RBM33: variants seen among roughly 807,000 people sequenced by gnomAD.
RBM33 encodes RNA-binding protein 33.
Under a neutral mutation model 132.6 loss-of-function variants are expected in RBM33, and 28 were observed. That is an observed-to-expected ratio of 0.21 (90% confidence interval 0.16 to 0.29). The LOEUF is 0.29. RBM33 is among the 10% of genes least tolerant of loss of function. RBM33 has a pLI of 1.00. For missense variants in RBM33, 1,291 were observed against 1,518.5 expected (o/e 0.85, Z 2.49); for synonymous variants, 634 against 593.0 (o/e 1.07, Z -1.01).
chr7:155,706,718 C>T (rs578250569), intron 6 of RBM33, 142 bp from the exon 7 acceptor site: 10 of 635,300 alleles, frequency 1.6e-5, no homozygotes, highest in Non-Finnish European at 2.5e-5. Flanking sequence ...TCGTACTTGC[C>T]GCTGCTAGTT....
chr7:155,708,295 A>C (rs185967762), intron 7 of RBM33, among the ~76,000 whole-genome samples: 94 of 152,286 alleles, frequency 6.2e-4, no homozygotes, highest in Non-Finnish European at 1.2e-3. Flanking sequence ...GTTTTTGAGC[A>C]TCTCTAACAG....
At chr7:155,673,796 A>ACACACACACC (rs1799074511) in intron 3 of RBM33, among the ~76,000 whole-genome samples, 1 of 142,800 alleles carries the variant, frequency 7.0e-6, no homozygotes, top group African/African-American at 3.0e-5. Context: ...ACACACACAC[A>ACACACACACC]CACACCCCTA....
At chr7:155,703,308 C>T (rs974483174) in intron 6 of RBM33, among the ~76,000 whole-genome samples, 1 of 152,086 alleles carries the variant, frequency 6.6e-6, no homozygotes, top group Non-Finnish European at 1.5e-5. Flanking sequence ...AATTCTGGGA[C>T]AAGAAGCTGG....
chr7:155,712,834 G>T (rs1800346096), intron 8 of RBM33, among the ~76,000 whole-genome samples: 1 of 152,252 alleles, frequency 6.6e-6, no homozygotes, highest in African/African-American at 2.4e-5. Context: ...CAGGACTTTG[G>T]CAGGGAGTGA....
chr7:155,711,391 A>G lies in RBM33; in HGVS notation c.1137A>G (p.Pro379=), dbSNP rs375503330. The G allele has an allele frequency of 5.5e-5, 86 of 1,571,922 alleles. 2 individuals carry two copies. In the African/African-American group the frequency reaches 5.5e-4, roughly 10 times the overall value. ...TGATGACCCCGCCACCCGTGACTCCACAGCAGCCCAAGAACATACACATCA... is the reference window on the plus strand; with the variant it reads ...TGATGACCCCGCCACCCGTGACTCCGCAGCAGCCCAAGAACATACACATCA... The part of the protein sequence containing the change: ...RMMMTPPPVT[P]QQPKNIHINP... The change falls in exon 8 of 18, where the codon CCA becomes CCG. Residue 379 remains proline, a synonymous_variant. Coordinates refer to ENST00000401878, the MANE Select transcript of RBM33 (RefSeq NM_053043.3).
At chr7:155,681,615 A>C (rs542818516) in intron 5 of RBM33, among the ~76,000 whole-genome samples, 1 of 152,114 alleles carries the variant, frequency 6.6e-6, no homozygotes, top group African/African-American at 2.4e-5. Flanking sequence ...TGAGGGAAGG[A>C]TGTGATCTCA....
At chr7:155,677,837 G>T (rs1353714046) in intron 3 of RBM33, among the ~76,000 whole-genome samples, 1 of 152,192 alleles carries the variant, frequency 6.6e-6, no homozygotes, top group Non-Finnish European at 1.5e-5. Flanking sequence ...ATGACAGTGT[G>T]TGTGTGGCTT....
At chr7:155,648,361 G>C (rs1328933771) in intron 1 of RBM33, among the ~76,000 whole-genome samples, 1 of 152,186 alleles carries the variant, frequency 6.6e-6, no homozygotes, top group African/African-American at 2.4e-5. Context: ...CAGCCACCTA[G>C]CTGTTAAGAA....
At position 155,716,316 on chromosome 7, in the gene RBM33, GTTTTT is replaced by G. The variant is rs59289310; in HGVS notation, c.1202-2057_1202-2053del. 1.1e-4 allele frequency among the ~76,000 whole-genome samples: 11 copies of G among 102,376 alleles called. 1 individual carries two copies. Among genetic ancestry groups the G allele is most frequent in the Non-Finnish European group, 1.7e-4 (9 of 52,108 alleles). The allele number at this position is 102,376 out of a possible 152,430, so 67.2% of individuals were successfully genotyped here. A position where few individuals can be genotyped will look rare whatever the true frequency, so the allele number is the denominator to read the frequency against. ...TGTCAGCTGTTTTTCCTTTTCTGCT[GTTTTT>G]TTTTTTTTTTTAAATAGGGAAAAGG... On this transcript the variant is annotated intron_variant, in intron 8 of 17. Coordinates refer to ENST00000401878, the MANE Select transcript of RBM33 (RefSeq NM_053043.3).
intron 14 of RBM33, among the ~76,000 whole-genome samples, chr7:155,756,928 G>A (rs1801871299): frequency 6.6e-6 from 1 of 152,080 alleles, no homozygotes; most frequent in Non-Finnish European, 1.5e-5. Context: ...AATAGGACTT[G>A]TCAGTTTACA....
intron 14 of RBM33, among the ~76,000 whole-genome samples, chr7:155,762,065 A>T (rs1329511691): frequency 2.0e-5 from 3 of 152,222 alleles, no homozygotes; most frequent in African/African-American, 7.2e-5. Flanking sequence ...AGCGCCTGGG[A>T]TGAGCTTGTG....
At chr7:155,665,775 A>C (rs534993723) in intron 2 of RBM33, among the ~76,000 whole-genome samples, 1 of 152,322 alleles carries the variant, frequency 6.6e-6, no homozygotes, top group East Asian at 1.9e-4. Context: ...GATAGATGGT[A>C]GTTTGATATA....
chr7:155,680,579 G>A lies in RBM33; in HGVS notation c.249-11G>A, dbSNP rs73734194. ...TTGGGTGCTTTTTTTTTTTATTTTC[G>A]TCCTCTCTAGTTCTCAGGGTGTTAC... On this transcript the variant is annotated splice_polypyrimidine_tract_variant and intron_variant, in intron 4 of 17. Coordinates refer to ENST00000401878, the MANE Select transcript of RBM33 (RefSeq NM_053043.3). 1.7e-4 allele frequency: 252 copies of A among 1,501,482 alleles called. 1 individual carries two copies. In the African/African-American group the frequency reaches 2.7e-3, roughly 16 times the overall value. 93.0% of individuals were successfully genotyped at this position (1,501,482 alleles called of 1,614,324 possible). A position where few individuals can be genotyped will look rare whatever the true frequency, so the allele number is the denominator to read the frequency against.
In RBM33 at chr7:155,745,139, C is replaced by T; in HGVS notation, c.2516C>T (p.Pro839Leu). ...QQQQQLYAPP[P>L]PAEQEEQALS... ...CAGCAGCAGCTGTACGCTCCCCCAC[C>T]CCCAGCAGAGCAGGAAGAGCAGGCA... is the stretch of plus-strand genomic sequence containing the variant. The change falls in exon 14 of 18, where the codon CCC becomes CTC. Residue 839 changes from proline (P) to leucine (L), a missense_variant. Pro to Leu is a moderately conservative substitution (Grantham distance 98). This residue lies in a region of RBM33 where 841 missense variants were observed against 912.0 expected (regional missense o/e 0.92). Coordinates refer to ENST00000401878, the MANE Select transcript of RBM33 (RefSeq NM_053043.3). This position sits in a 1 kb window ranked among gnomAD's most constrained non-coding sequence, Gnocchi z 4.1. 6.2e-7 allele frequency: 1 copy of T among 1,603,412 alleles called. No individual in the cohort carries two copies. Among genetic ancestry groups the T allele is most frequent in the South Asian group, 1.1e-5 (1 of 89,442 alleles).
rs376434356 is a variant in RBM33 at position 155,770,254 on chromosome 7, C to T, written c.3375+3599C>T. 1.1e-4 allele frequency among the ~76,000 whole-genome samples: 16 copies of T among 152,320 alleles called. 1 individual carries two copies. The East Asian group carries it at 2.9e-3, about 28-fold the overall frequency. On this transcript the variant is annotated intron_variant, in intron 16 of 17. Transcript: ENST00000401878. ...AAACTCGGTGCGGGCTGGAGTTGCC[C>T]AGAGCACTGTTGTGAACCTTTCTTT...
intron 15 of RBM33, 71 bp downstream of exon 15, chr7:155,764,089 C>T: frequency 1.6e-6 from 2 of 1,241,540 alleles, no homozygotes; most frequent in South Asian, 1.6e-5. Context: ...CAGACGTGCT[C>T]TAATTTGTAG....
rs1374364250 is a variant in RBM33 at position 155,745,090 on chromosome 7, C to T, written c.2467C>T (p.Leu823=). Reference sequence around the variant, plus strand: ...GCAGGCTGGTGCCAGGAAGAAGGAGCTGCTGGAGAGACTCGCGCAGCAACA... The same window carrying T: ...GCAGGCTGGTGCCAGGAAGAAGGAGTTGCTGGAGAGACTCGCGCAGCAACA... ...QQQAGARKKE[L]LERLAQQQQQ... The change falls in exon 14 of 18, where the codon CTG becomes TTG. Residue 823 remains leucine, a synonymous_variant. Transcript: ENST00000401878. This position sits in a 1 kb window ranked among gnomAD's most constrained non-coding sequence, Gnocchi z 4.1. 3 of 1,602,922 alleles carry T rather than the reference C, an allele frequency of 1.9e-6. No homozygotes were observed. Among genetic ancestry groups the T allele is most frequent in the Admixed American group, 1.7e-5 (1 of 57,884 alleles).
intron 14 of RBM33, among the ~76,000 whole-genome samples, chr7:155,762,605 A>C (rs960937000): frequency 1.3e-5 from 2 of 152,220 alleles, no homozygotes; most frequent in Non-Finnish European, 2.9e-5. Flanking sequence ...TAGCAGAAAC[A>C]AGCTACATCC....
At chr7:155,690,392 T>C (rs995536739) in intron 5 of RBM33, among the ~76,000 whole-genome samples, 4 of 152,128 alleles carry the variant, frequency 2.6e-5, no homozygotes, top group Non-Finnish European at 4.4e-5. Flanking sequence ...TTCCTGAATA[T>C]AGCACAGTGA....
Sources: gnomAD v4.1 joint callset for allele counts (sites outside exome capture counted in the v4.1 genomes callset) on GRCh38, gnomAD v4.1.1 for gene constraint, gnomAD v4.1.1 regional missense constraint, Gnocchi (gnomAD v3.1) non-coding constraint, MANE v1.5 for transcripts, NCBI Gene and HGNC (gene_info 2026-07-23, HGNC 2026-07-21) for gene names.